KDM4C: variants seen among roughly 807,000 people sequenced by gnomAD.
KDM4C encodes lysine demethylase 4C.
Under a neutral mutation model 129.3 loss-of-function variants are expected in KDM4C, and 81 were observed. The observed-to-expected ratio is 0.63, with a 90% CI of 0.52 to 0.75. The LOEUF is 0.75. Ranked by LOEUF, KDM4C falls within the 30% of genes least tolerant of loss-of-function variation. The pLI, the probability that KDM4C is intolerant of heterozygous loss-of-function variation, is 0.00. For missense variants in KDM4C, 1,457 were observed against 1,304.0 expected, an observed-to-expected ratio of 1.12 and a Z score of -1.81; for synonymous variants, 573 against 456.1, an observed-to-expected ratio of 1.26 and a Z score of -3.26.
intron 15 of KDM4C, 118 bp downstream of exon 15, chr9:7,016,047 TC>T: frequency 3.5e-6 from 2 of 569,948 alleles, no homozygotes; most frequent in Admixed American, 2.9e-5. Context: ...GTTCTGCACT[TC>T]CTTGTGTTTC....
chr9:6,787,448 G>A (rs1393813137), intron 1 of KDM4C, among the ~76,000 whole-genome samples: 1 of 152,194 alleles, frequency 6.6e-6, no homozygotes, highest in Non-Finnish European at 1.5e-5. Flanking sequence ...GGCCAGGCTG[G>A]TCTCAAATTC....
chr9:6,934,587 C>T (rs1194830664), intron 8 of KDM4C, among the ~76,000 whole-genome samples: 26 of 151,720 alleles, frequency 1.7e-4, no homozygotes, highest in Non-Finnish European at 1.5e-5. Context: ...CCTCAGCCTC[C>T]TGAGTAGCTA....
At chr9:6,801,087 A>G (rs1828860560) in intron 2 of KDM4C, among the ~76,000 whole-genome samples, 1 of 152,230 alleles carries the variant, frequency 6.6e-6, no homozygotes, top group Non-Finnish European at 1.5e-5. Context: ...GCACTGGCCA[A>G]GTTACTCATC....
Position 7,071,959 on chromosome 9 carries a change from C to T in KDM4C, c.2424+22759C>T, listed in dbSNP as rs116213617. ...TCCAGGATATATAAAGAACTCTTGA[C>T]ACTCAACAATAAAAGAACCTTATAA... On this transcript the variant is annotated intron_variant, in intron 17 of 21. Transcript: ENST00000381309. 1.8e-3 allele frequency among the ~76,000 whole-genome samples: 269 copies of T among 152,264 alleles called. 1 individual carries two copies. The highest frequency in any genetic ancestry group is 6.1e-3 in the African/African-American group (252 of 41,560).
intron 8 of KDM4C, among the ~76,000 whole-genome samples, chr9:6,966,141 C>T (rs1056338437): frequency 6.6e-6 from 1 of 152,048 alleles, no homozygotes; most frequent in African/African-American, 2.4e-5. Context: ...AAAATTTAGA[C>T]ACCTTAAGAT....
chr9:7,146,349 A>G (rs1268009855), intron 19 of KDM4C, among the ~76,000 whole-genome samples: 1 of 152,174 alleles, frequency 6.6e-6, no homozygotes, highest in Non-Finnish European at 1.5e-5. Context: ...AGTTTTTTTA[A>G]AAAAGATCTT....
intron 4 of KDM4C, among the ~76,000 whole-genome samples, chr9:6,821,330 C>G (rs1472480347): frequency 7.9e-5 from 12 of 152,168 alleles, no homozygotes; most frequent in Non-Finnish European, 5.9e-5. Context: ...AATTTACGCT[C>G]CCACCAACAG....
intron 17 of KDM4C, among the ~76,000 whole-genome samples, chr9:7,055,126 C>G (rs1027883549): frequency 6.6e-6 from 1 of 152,044 alleles, no homozygotes; most frequent in Non-Finnish European, 1.5e-5. Flanking sequence ...TGCAGTGAAC[C>G]GAGATGGCGC....
Position 7,156,005 on chromosome 9 carries a change from T to G in KDM4C, c.2782-9233T>G, listed in dbSNP as rs1000443310. Among the ~76,000 whole-genome samples the G allele has an allele frequency of 5.3e-5, 8 of 152,320 alleles. No homozygotes were observed. In the East Asian group the frequency reaches 1.5e-3, roughly 29 times the overall value. On this transcript the variant is annotated intron_variant, in intron 19 of 21. Transcript: ENST00000381309. ...GTAAAAGCGTTCCTATTTCTCCACATCCTCTCCAGCATCTGTTGTTTCCTG... is the reference window on the plus strand; with the variant it reads ...GTAAAAGCGTTCCTATTTCTCCACAGCCTCTCCAGCATCTGTTGTTTCCTG...
intron 1 of KDM4C, among the ~76,000 whole-genome samples, chr9:6,759,273 T>C (rs1357513843): frequency 6.6e-6 from 1 of 152,200 alleles, no homozygotes; most frequent in Non-Finnish European, 1.5e-5. Context: ...GTTTGCGGTA[T>C]TTAAAAAAAT....
intron 15 of KDM4C, among the ~76,000 whole-genome samples, chr9:7,036,290 G>C (rs533686673): frequency 6.6e-6 from 1 of 152,152 alleles, no homozygotes; most frequent in Non-Finnish European, 1.5e-5. Flanking sequence ...GAATAAGCCA[G>C]CTGGGTTTTT....
At chr9:6,769,843 T>G (rs898424858) in intron 1 of KDM4C, among the ~76,000 whole-genome samples, 1 of 152,238 alleles carries the variant, frequency 6.6e-6, no homozygotes, top group African/African-American at 2.4e-5. Context: ...AGATAGAATT[T>G]ATTTTTGTGA....
At chr9:6,919,144 C>A (rs1251733110) in intron 8 of KDM4C, among the ~76,000 whole-genome samples, 6 of 152,100 alleles carry the variant, frequency 3.9e-5, no homozygotes, top group Admixed American at 3.9e-4. Context: ...AGCCACCACG[C>A]CCAGCCTACT....
chr9:6,743,916 ATT>A (rs35581518), intron 1 of KDM4C, among the ~76,000 whole-genome samples: 43 of 143,248 alleles, frequency 3.0e-4, no homozygotes, highest in Non-Finnish European at 3.5e-4. Context: ...ATCCTCTCCA[ATT>A]TTTTTTTTTT....
At chr9:6,807,735 C>T (rs1332988348) in intron 3 of KDM4C, among the ~76,000 whole-genome samples, 3 of 146,524 alleles carry the variant, frequency 2.0e-5, no homozygotes, top group Non-Finnish European at 3.0e-5. Flanking sequence ...GCAGCCACCC[C>T]ATCTGGGAAG....
chr9:6,954,971 G>A (rs1563878647), intron 8 of KDM4C, among the ~76,000 whole-genome samples: 1 of 152,164 alleles, frequency 6.6e-6, no homozygotes, highest in Non-Finnish European at 1.5e-5. Flanking sequence ...GAGGCATCAG[G>A]GACTTTCTGT....
intron 17 of KDM4C, among the ~76,000 whole-genome samples, chr9:7,097,375 C>G (rs1448414173): frequency 6.6e-6 from 1 of 152,184 alleles, no homozygotes; most frequent in Non-Finnish European, 1.5e-5. Flanking sequence ...ATTGTGCATT[C>G]TTGGGAGCCA....
chr9:6,768,858 C>T (rs1445466599), intron 1 of KDM4C, among the ~76,000 whole-genome samples: 1 of 152,016 alleles, frequency 6.6e-6, no homozygotes, highest in African/African-American at 2.4e-5. Context: ...CTGCAACCTC[C>T]ACCTCCCGGG....
At chr9:6,826,613 C>T (rs1564102271) in intron 4 of KDM4C, among the ~76,000 whole-genome samples, 2 of 152,098 alleles carry the variant, frequency 1.3e-5, no homozygotes, top group Admixed American at 6.5e-5. Flanking sequence ...TGCCTGTGAT[C>T]CCAGCACTTT....
Sources: gnomAD v4.1 joint callset for allele counts (sites outside exome capture counted in the v4.1 genomes callset) on GRCh38, gnomAD v4.1.1 for gene constraint, MANE v1.5 for transcripts, NCBI Gene and HGNC (gene_info 2026-07-23, HGNC 2026-07-21) for gene names.